The following HS3ST4 variants were observed in gnomAD, a reference collection of about 807,000 sequenced individuals.
HS3ST4 encodes the protein heparan sulfate-glucosamine 3-sulfotransferase 4, also known as heparan sulfate glucosamine 3-O-sulfotransferase 4.
In HS3ST4, 17 loss-of-function variants were observed where a neutral mutation model predicts 29.2. The ratio of observed to expected loss-of-function variants is 0.58; its 90% CI spans 0.40 to 0.87. HS3ST4 has a LOEUF of 0.87. Ranked by LOEUF, HS3ST4 falls within the 40% of genes least tolerant of loss-of-function variation. The pLI is 0.00. For missense variants in HS3ST4, 627 were observed against 634.5 expected, an observed-to-expected ratio of 0.99 and a Z score of 0.13; for synonymous variants, 314 against 285.7, an observed-to-expected ratio of 1.10 and a Z score of -1.00.
At chr16:26,029,601 T>C (rs1466653750) in intron 1 of HS3ST4, among the ~76,000 whole-genome samples, 1 of 152,100 alleles carries the variant, frequency 6.6e-6, no homozygotes, top group Non-Finnish European at 1.5e-5. Context: ...TTAGTAGAGA[T>C]GGGGTTTCAC....
intron 1 of HS3ST4, among the ~76,000 whole-genome samples, chr16:25,859,334 G>A (rs1484174946): frequency 2.0e-5 from 3 of 152,154 alleles, no homozygotes; most frequent in Non-Finnish European, 4.4e-5. Context: ...AATTCTCATA[G>A]CTGTACTATG....
intron 1 of HS3ST4, among the ~76,000 whole-genome samples, chr16:25,775,435 A>G (rs1182810771): frequency 2.6e-5 from 4 of 152,200 alleles, no homozygotes; most frequent in Non-Finnish European, 5.9e-5. Context: ...TCCTGTGCCA[A>G]TTCGAGCATC....
chr16:26,055,290 A>C (rs1898393746), intron 1 of HS3ST4, among the ~76,000 whole-genome samples: 1 of 152,132 alleles, frequency 6.6e-6, no homozygotes. Context: ...TAAGTGATTT[A>C]GCCTTTGTGA....
In HS3ST4 at chr16:26,136,108, A is replaced by G. The variant is rs763685602; in HGVS notation, c.1231A>G (p.Lys411Glu). Residue 411 changes from lysine to glutamate, a missense_variant, in exon 2 of 2, where the codon AAG becomes GAG. By Grantham distance (56) the Lys-to-Glu change is moderately conservative. Transcript: ENST00000331351. ...CAGCAGTGCCCCGAGGTGCTTAGGC[A>G]AGAGCAAAGGTCGGACTCATCCTCG... Reference protein sequence around the residue: ...EDSSAPRCLGKSKGRTHPRID... With the variant: ...EDSSAPRCLGESKGRTHPRID... 2 of 1,613,746 alleles carry G rather than the reference A, an allele frequency of 1.2e-6. No individual in the cohort carries two copies. The highest frequency in any genetic ancestry group is 8.5e-7 in the Non-Finnish European group (1 of 1,179,762).
intron 1 of HS3ST4, among the ~76,000 whole-genome samples, chr16:25,999,873 T>TTATATATAA (rs1567290801): frequency 9.5e-5 from 12 of 125,752 alleles, no homozygotes; most frequent in African/African-American, 3.7e-4. Flanking sequence ...ATTATATATT[T>TTATATATAA]TATATATATT....
intron 1 of HS3ST4, among the ~76,000 whole-genome samples, chr16:26,019,629 C>T (rs773860657): frequency 2.0e-5 from 3 of 152,186 alleles, no homozygotes; most frequent in Non-Finnish European, 4.4e-5. Context: ...GCGGGTCCGT[C>T]TGGCTCCTGG....
chr16:25,800,241 T>C (rs1237552318), intron 1 of HS3ST4, among the ~76,000 whole-genome samples: 2 of 152,174 alleles, frequency 1.3e-5, no homozygotes, highest in Non-Finnish European at 2.9e-5. Context: ...TCTTTTAACC[T>C]TAGTTGAATA....
At chr16:25,868,963 G>T (rs780302049) in intron 1 of HS3ST4, among the ~76,000 whole-genome samples, 41 of 152,170 alleles carry the variant, frequency 2.7e-4, no homozygotes, top group Non-Finnish European at 5.1e-4. Flanking sequence ...TTGTGTATAT[G>T]TGTGTCTGTG....
At chr16:25,799,729 G>T (rs1966912624) in intron 1 of HS3ST4, among the ~76,000 whole-genome samples, 1 of 152,054 alleles carries the variant, frequency 6.6e-6, no homozygotes, top group South Asian at 2.1e-4. Context: ...ATGGTTGTTA[G>T]GGCTAAGTGA....
At chr16:25,722,742 A>T (rs528106028) in intron 1 of HS3ST4, among the ~76,000 whole-genome samples, 3 of 152,118 alleles carry the variant, frequency 2.0e-5, no homozygotes, top group Non-Finnish European at 4.4e-5. Context: ...GGGGCCTGGG[A>T]TGAGTTATTG....
chr16:25,900,318 G>A (rs1455991505), intron 1 of HS3ST4, among the ~76,000 whole-genome samples: 2 of 152,138 alleles, frequency 1.3e-5, no homozygotes, highest in African/African-American at 2.4e-5. Context: ...ATGAAAAAAT[G>A]AATGAATAAC....
At chr16:25,944,052 C>G (rs1487711795) in intron 1 of HS3ST4, among the ~76,000 whole-genome samples, 4 of 152,086 alleles carry the variant, frequency 2.6e-5, no homozygotes, top group Non-Finnish European at 5.9e-5. Context: ...TTGTTACTTT[C>G]CTCCTCCTCC....
intron 1 of HS3ST4, among the ~76,000 whole-genome samples, chr16:25,929,694 T>C (rs979737785): frequency 1.3e-5 from 2 of 152,240 alleles, no homozygotes; most frequent in African/African-American, 4.8e-5. Flanking sequence ...GGTGACCATC[T>C]AGAAGGTTGG....
At position 25,735,389 on chromosome 16, in the gene HS3ST4, CT is replaced by C. The variant is rs368919724; in HGVS notation, c.734+42250del. Among the ~76,000 whole-genome samples the C allele has an allele frequency of 2.5e-3, 359 of 144,908 alleles. 1 individual carries two copies. Among genetic ancestry groups the C allele is most frequent in the African/African-American group, 5.4e-3 (214 of 39,920 alleles). On this transcript the variant is annotated intron_variant, in intron 1 of 1. Transcript: ENST00000331351. ...GACTCTGTTCTCATGTGTACTTTTT[CT>C]TTTTTTTTTTTATTTGAGATGGGGA... is the stretch of plus-strand genomic sequence containing the variant.
intron 1 of HS3ST4, among the ~76,000 whole-genome samples, chr16:25,903,197 T>C (rs1319256600): frequency 6.6e-6 from 1 of 151,588 alleles, no homozygotes; most frequent in Non-Finnish European, 1.5e-5. Flanking sequence ...GTGATTCTTT[T>C]TTCTCCCACT....
At position 25,713,107 on chromosome 16, in the gene HS3ST4, A is replaced by T. The variant is rs141631434; in HGVS notation, c.734+19956A>T. On this transcript the variant is annotated intron_variant, in intron 1 of 1. Transcript: ENST00000331351. ...TCTGGGATACACATGCAGGTTTGTT[A>T]CATAGGTATGTATACATGTGCCATG... 5.8e-4 allele frequency among the ~76,000 whole-genome samples: 88 copies of T among 152,290 alleles called. 1 individual carries two copies. The East Asian group carries it at 0.017, about 29-fold the overall frequency.
intron 1 of HS3ST4, among the ~76,000 whole-genome samples, chr16:25,745,221 A>G (rs772963666): frequency 6.6e-6 from 1 of 152,084 alleles, no homozygotes; most frequent in Non-Finnish European, 1.5e-5. Context: ...GAAGGAGAGA[A>G]TAATTGGAGA....
intron 1 of HS3ST4, among the ~76,000 whole-genome samples, chr16:26,042,968 C>T (rs1969648571): frequency 3.3e-5 from 5 of 152,118 alleles, no homozygotes; most frequent in Admixed American, 3.3e-4. Context: ...AAACATTATT[C>T]ACAGCTTTCT....
intron 1 of HS3ST4, among the ~76,000 whole-genome samples, chr16:25,965,959 G>A (rs907463806): frequency 2.0e-5 from 3 of 152,152 alleles, no homozygotes; most frequent in African/African-American, 7.2e-5. Flanking sequence ...GATTACAAGT[G>A]TGAACCATTG....
Sources: gnomAD v4.1 joint callset for allele counts (sites outside exome capture counted in the v4.1 genomes callset) on GRCh38, gnomAD v4.1.1 for gene constraint, MANE v1.5 for transcripts, NCBI Gene and HGNC (gene_info 2026-07-23, HGNC 2026-07-21) for gene names.